Variants in GTF3C2 observed in about 807,000 individuals in gnomAD.
GTF3C2 encodes the protein general transcription factor IIIC subunit 2.
GTF3C2 carries 17 observed loss-of-function variants against 117.4 expected under a neutral mutation model. The observed-to-expected ratio is 0.14, with a 90% CI of 0.10 to 0.22. GTF3C2 has a LOEUF of 0.22. Ranked by LOEUF, GTF3C2 falls within the 10% of genes least tolerant of loss-of-function variation. The pLI is 1.00. For synonymous variants in GTF3C2, 437 were observed against 427.0 expected (o/e 1.02, Z -0.29); for missense variants, 888 against 1,143.6 (o/e 0.78, Z 3.22).
intron 1 of GTF3C2, chr2:27,350,311 T>G: frequency 1.6e-6 from 1 of 617,762 alleles, no homozygotes; most frequent in South Asian, 7.1e-5. Flanking sequence ...ACCCCAGACC[T>G]ACCGAATCAG....
exon 2 of GTF3C2, chr2:27,343,489 C>T (rs1680812293): frequency 6.2e-7 from 1 of 1,613,972 alleles, no homozygotes; most frequent in Admixed American, 1.7e-5. Flanking sequence ...GAGAGTCTAC[C>T]ACAGTCATGT....
chr2:27,350,199 A>G (rs1425627669), intron 1 of GTF3C2: 1 of 152,804 alleles, frequency 6.5e-6, no homozygotes, highest in Non-Finnish European at 1.5e-5. Flanking sequence ...AATTCACTAC[A>G]CGGTATTAAA....
chr2:27,334,535 T>C (rs565832660), intron 10 of GTF3C2, among the ~76,000 whole-genome samples: 1 of 152,146 alleles, frequency 6.6e-6, no homozygotes, highest in African/African-American at 2.4e-5. Context: ...CATATTGCTA[T>C]GTGAACATGC....
At chr2:27,346,330 C>CTTTCTTTT (rs1680915210) in intron 1 of GTF3C2, among the ~76,000 whole-genome samples, 1 of 64,302 alleles carries the variant, frequency 1.6e-5, no homozygotes, top group Non-Finnish European at 2.9e-5. Context: ...ATTCTGATAC[C>CTTTCTTTT]TTTTTTTTTT....
rs763681410 is a variant in GTF3C2 at position 27,326,913 on chromosome 2, CAAGA to C, written c.2518-24_2518-21del. ...ACGTACCTGTGAAGAGAACAGAAAA[CAAGA>C]GAGAGATGCTCATGGGTGGTGCTTT... On this transcript the variant is annotated intron_variant, in intron 18 of 18. Transcript: ENST00000264720. 2.0e-6 allele frequency: 3 copies of C among 1,522,264 alleles called. No homozygotes were observed. The highest frequency in any genetic ancestry group is 1.1e-5 in the South Asian group (1 of 89,062). 94.3% of individuals were successfully genotyped at this position (1,522,264 alleles called of 1,614,324 possible).
chr2:27,341,461 CCA>C (rs1311954615), intron 4 of GTF3C2: 4 of 157,852 alleles, frequency 2.5e-5, no homozygotes, highest in African/African-American at 4.8e-5. Context: ...TTCATATTCT[CCA>C]GTTTAATCTC....
At chr2:27,345,216 G>C (rs1680875160) in intron 1 of GTF3C2, among the ~76,000 whole-genome samples, 1 of 152,070 alleles carries the variant, frequency 6.6e-6, no homozygotes, top group African/African-American at 2.4e-5. Flanking sequence ...GCTGCAGTGA[G>C]CTGTAATCAC....
intron 12 of GTF3C2, among the ~76,000 whole-genome samples, chr2:27,330,654 A>G (rs1373812972): frequency 3.3e-5 from 5 of 151,596 alleles, no homozygotes; most frequent in Non-Finnish European, 7.4e-5. Flanking sequence ...ATATAGTGAG[A>G]CCCCACCTCT....
chr2:27,345,454 A>G (rs937250478), intron 1 of GTF3C2, among the ~76,000 whole-genome samples: 3 of 151,730 alleles, frequency 2.0e-5, no homozygotes, highest in Non-Finnish European at 2.9e-5. Flanking sequence ...TTAGCTGGGC[A>G]TGGTGGCAGG....
At chr2:27,337,071 T>A in intron 7 of GTF3C2, 173 bp downstream of exon 7, 1 of 610,346 alleles carries the variant, frequency 1.6e-6, no homozygotes. Flanking sequence ...CTGCCAGTAA[T>A]GAACACTACA....
chr2:27,338,572 C>T (rs1680591105), intron 4 of GTF3C2, among the ~76,000 whole-genome samples: 1 of 152,074 alleles, frequency 6.6e-6, no homozygotes, highest in Non-Finnish European at 1.5e-5. Context: ...ACTCTGTTGC[C>T]CAGGCTGGAG....
At position 27,350,610 on chromosome 2, in the gene GTF3C2, G is replaced by A. The variant is rs533863544; in HGVS notation, c.-25+6129C>T. 7.1e-6 allele frequency: 4 copies of A among 560,712 alleles called. No homozygotes were observed. In the South Asian group the frequency reaches 2.3e-4, roughly 33 times the overall value. 34.7% of individuals were successfully genotyped at this position (560,712 alleles called of 1,614,324 possible). A position where few individuals can be genotyped will look rare whatever the true frequency, so the allele number is the denominator to read the frequency against. ...AGGCCAGGAGTTCAAGATCAGCCTG[G>A]GCAACACAGCAAGACTTTGTCTCTG... On this transcript the variant is annotated intron_variant, in intron 1 of 18. Transcript: ENST00000264720.
intron 10 of GTF3C2, among the ~76,000 whole-genome samples, chr2:27,334,757 C>T (rs1260837856): frequency 6.6e-6 from 1 of 152,046 alleles, no homozygotes; most frequent in African/African-American, 2.4e-5. Flanking sequence ...ATCCTCCCAC[C>T]TCAGCCTCCC....
chr2:27,327,134 T>TG lies in GTF3C2; in HGVS notation c.2517+42dup, dbSNP rs753551344. The TG allele has an allele frequency of 1.0e-5, 11 of 1,082,960 alleles. No homozygotes were observed. In the Admixed American group the frequency reaches 1.9e-4, roughly 18 times the overall value. 67.1% of individuals were successfully genotyped at this position (1,082,960 alleles called of 1,614,324 possible). A position where few individuals can be genotyped will look rare whatever the true frequency, so the allele number is the denominator to read the frequency against. ...ATTTCATCAGCCCCAGGCCCAGAAC[T>TG]GGGGGGAAATGAGAGTGGAGGGTGG... On this transcript the variant is annotated intron_variant, in intron 18 of 18. Transcript: ENST00000264720.
chr2:27,332,888 G>A (rs1247762153), intron 12 of GTF3C2, among the ~76,000 whole-genome samples: 1 of 151,310 alleles, frequency 6.6e-6, no homozygotes, highest in African/African-American at 2.4e-5. Context: ...GCTAATTTTT[G>A]TATTTTTAGT....
chr2:27,344,453 CCT>C (rs1202148100), intron 1 of GTF3C2, among the ~76,000 whole-genome samples: 1 of 152,098 alleles, frequency 6.6e-6, no homozygotes, highest in Non-Finnish European at 1.5e-5. Context: ...AATTATTTAA[CCT>C]CTGTCTCTGA....
chr2:27,326,869 A>T, exon 19 of GTF3C2: 1 of 1,613,286 alleles, frequency 6.2e-7, no homozygotes, highest in Non-Finnish European at 8.5e-7. Flanking sequence ...CATCCATAGG[A>T]GTCCAGGTTT....
rs1681369269 is a variant in GTF3C2, at chr2:27,356,158, GGCAGCCAACTT to G, written c.-25+570_-25+580del. On this transcript the variant is annotated intron_variant, in intron 1 of 18. Coordinates refer to ENST00000264720, the Ensembl canonical transcript of GTF3C2. ...GTCGCCACCTCTGACTTCCCCAACAGGCAGCCAACTTGCCACGGGACAAAAGGACTAGACAG... is the reference window on the plus strand; with the variant it reads ...GTCGCCACCTCTGACTTCCCCAACAGGCCACGGGACAAAAGGACTAGACAG... The G allele has an allele frequency of 2.7e-5, 33 of 1,218,338 alleles. No individual in the cohort carries two copies. In the South Asian group the frequency reaches 3.6e-4, roughly 13 times the overall value. 75.5% of individuals were successfully genotyped at this position (1,218,338 alleles called of 1,614,324 possible).
intron 4 of GTF3C2, 197 bp downstream of exon 4, chr2:27,341,751 G>T: frequency 1.7e-6 from 1 of 580,902 alleles, no homozygotes; most frequent in Non-Finnish European, 3.1e-6. Flanking sequence ...ATATATGAAT[G>T]AATAATCTTG....
Sources: gnomAD v4.1 joint callset for allele counts (sites outside exome capture counted in the v4.1 genomes callset) on GRCh38, gnomAD v4.1.1 for gene constraint, MANE v1.5 for transcripts, NCBI Gene and HGNC (gene_info 2026-07-23, HGNC 2026-07-21) for gene names.